The following CTNNA3 variants were observed in gnomAD, a reference collection of about 807,000 sequenced individuals.
The protein encoded by CTNNA3 is catenin alpha 3.
In CTNNA3, 76 loss-of-function variants were observed where a neutral mutation model predicts 95.7. The ratio of observed to expected loss-of-function variants is 0.79; its 90% CI spans 0.66 to 0.96. The LOEUF is 0.96. Among genes scored for constraint, CTNNA3 ranks in the 40% least tolerant of loss-of-function variants. The pLI is 0.00. For synonymous variants in CTNNA3, 431 were observed against 374.4 expected (o/e 1.15, Z -1.74); for missense variants, 1,191 against 1,089.8 (o/e 1.09, Z -1.31).
At chr10:67,221,045 G>C (rs1251766827) in intron 5 of CTNNA3, among the ~76,000 whole-genome samples, 1 of 152,142 alleles carries the variant, frequency 6.6e-6, no homozygotes, top group East Asian at 1.9e-4. Flanking sequence ...ACAGAACAGA[G>C]AAGATTGGGG....
intron 5 of CTNNA3, among the ~76,000 whole-genome samples, chr10:67,445,237 A>G (rs1846698654): frequency 2.0e-5 from 3 of 152,046 alleles, no homozygotes; most frequent in African/African-American, 7.2e-5. Context: ...TTAAATCATA[A>G]CACCAAAGAA....
intron 5 of CTNNA3, among the ~76,000 whole-genome samples, chr10:67,499,233 G>T (rs143460184): frequency 3.9e-5 from 6 of 152,112 alleles, no homozygotes; most frequent in Non-Finnish European, 8.8e-5. Flanking sequence ...GATGAATTAC[G>T]TTTATTGATT....
At chr10:66,477,499 T>C (rs1201071549) in intron 11 of CTNNA3, among the ~76,000 whole-genome samples, 2 of 152,068 alleles carry the variant, frequency 1.3e-5, no homozygotes, top group East Asian at 1.9e-4. Context: ...GATGTAGAAA[T>C]GGCTTCCAGG....
chr10:67,172,459 G>C (rs878856675), intron 7 of CTNNA3, among the ~76,000 whole-genome samples: 1 of 152,056 alleles, frequency 6.6e-6, no homozygotes, highest in Admixed American at 6.6e-5. Flanking sequence ...TACAAAATCT[G>C]TCAGAAAAAT....
chr10:67,480,416 C>T (rs1486251517), intron 5 of CTNNA3, among the ~76,000 whole-genome samples: 1 of 152,228 alleles, frequency 6.6e-6, no homozygotes, highest in Non-Finnish European at 1.5e-5. Flanking sequence ...AACAAAATCT[C>T]TGCAGCCCTG....
In CTNNA3 at chr10:66,816,743, T is replaced by C. The variant is rs571867619; in HGVS notation, c.1048-41219A>G. 1.2e-3 allele frequency among the ~76,000 whole-genome samples: 186 copies of C among 152,140 alleles called. 1 individual carries two copies. Among genetic ancestry groups the C allele is most frequent in the African/African-American group, 3.2e-3 (133 of 41,542 alleles). On this transcript the variant is annotated intron_variant, in intron 7 of 17. Transcript: ENST00000433211. ...ATTGTACATTCTTCCCAAATTCACA[T>C]GAAACATTCTCCAGAATAAACCATA...
intron 10 of CTNNA3, among the ~76,000 whole-genome samples, chr10:66,615,041 T>G (rs1844461972): frequency 6.6e-6 from 1 of 152,020 alleles, no homozygotes; most frequent in South Asian, 2.1e-4. Context: ...ATTTTGCTTT[T>G]GTTTAAACAC....
intron 2 of CTNNA3, among the ~76,000 whole-genome samples, chr10:67,615,198 G>A (rs996899102): frequency 6.6e-6 from 1 of 152,146 alleles, no homozygotes; most frequent in South Asian, 2.1e-4. Context: ...GGTTTTGTTT[G>A]TTTGTTAGAT....
intron 12 of CTNNA3, among the ~76,000 whole-genome samples, chr10:66,361,763 C>T (rs2092677599): frequency 6.6e-6 from 1 of 151,942 alleles, no homozygotes; most frequent in African/African-American, 2.4e-5. Flanking sequence ...GTCTCAAACT[C>T]CTGGGTTCAA....
chr10:67,105,228 T>C (rs1858563402), intron 7 of CTNNA3, among the ~76,000 whole-genome samples: 1 of 92,482 alleles, frequency 1.1e-5, no homozygotes, highest in Admixed American at 1.0e-4. Context: ...TGGCAATACA[T>C]ATTAAATGAT....
intron 7 of CTNNA3, among the ~76,000 whole-genome samples, chr10:66,910,286 T>G (rs1232328126): frequency 6.6e-6 from 1 of 152,286 alleles, no homozygotes; most frequent in East Asian, 1.9e-4. Context: ...GTGCAAGTAA[T>G]GACAAAAGGG....
intron 2 of CTNNA3, among the ~76,000 whole-genome samples, chr10:67,620,397 C>G (rs917336424): frequency 6.6e-6 from 1 of 152,110 alleles, no homozygotes; most frequent in Non-Finnish European, 1.5e-5. Context: ...CATCTCCCAC[C>G]GTGAAATCAT....
At chr10:66,425,218 T>C (rs1163723710) in intron 11 of CTNNA3, among the ~76,000 whole-genome samples, 7 of 151,970 alleles carry the variant, frequency 4.6e-5, no homozygotes, top group African/African-American at 1.7e-4. Flanking sequence ...AATTTTTCTG[T>C]CTTTTTAAAA....
chr10:66,153,589 T>C (rs2084320005), intron 13 of CTNNA3, among the ~76,000 whole-genome samples: 1 of 151,844 alleles, frequency 6.6e-6, no homozygotes, highest in Admixed American at 6.6e-5. Context: ...TGTATACCAA[T>C]TTGGGGGCTC....
chr10:66,589,374 A>G (rs949793418), intron 10 of CTNNA3, among the ~76,000 whole-genome samples: 1 of 152,162 alleles, frequency 6.6e-6, no homozygotes, highest in Admixed American at 6.6e-5. Flanking sequence ...ATCCATGCCC[A>G]ATAAGGGAGT....
chr10:66,816,006 G>A (rs1842065177), intron 7 of CTNNA3, among the ~76,000 whole-genome samples: 1 of 152,140 alleles, frequency 6.6e-6, no homozygotes, highest in African/African-American at 2.4e-5. Context: ...TTTAAAACAA[G>A]TACATAAAGT....
chr10:67,428,246 T>G (rs929445561), intron 5 of CTNNA3, among the ~76,000 whole-genome samples: 2 of 152,094 alleles, frequency 1.3e-5, no homozygotes, highest in Non-Finnish European at 2.9e-5. Flanking sequence ...AATTAAATGC[T>G]CTTATCAAAT....
intron 15 of CTNNA3, among the ~76,000 whole-genome samples, chr10:66,030,154 C>G (rs920916088): frequency 2.0e-5 from 3 of 152,078 alleles, no homozygotes; most frequent in African/African-American, 7.2e-5. Flanking sequence ...CCAAAGCAAT[C>G]TACAGATTCA....
chr10:67,093,575 TG>T (rs1052079231), intron 7 of CTNNA3, among the ~76,000 whole-genome samples: 1 of 151,834 alleles, frequency 6.6e-6, no homozygotes, highest in African/African-American at 2.4e-5. Flanking sequence ...CAAACAGATT[TG>T]TTTTTTTAAT....
Sources: gnomAD v4.1 joint callset for allele counts (sites outside exome capture counted in the v4.1 genomes callset) on GRCh38, gnomAD v4.1.1 for gene constraint, MANE v1.5 for transcripts, NCBI Gene and HGNC (gene_info 2026-07-23, HGNC 2026-07-21) for gene names.